HDAC2: variants seen among roughly 807,000 people sequenced by gnomAD.
HDAC2 encodes the protein YY1-associated factor 1.
A neutral mutation model predicts 68.5 loss-of-function variants in HDAC2; 5 were observed. That is an observed-to-expected ratio of 0.07 (90% CI 0.04 to 0.15). HDAC2 has a LOEUF of 0.15. HDAC2 is among the 10% of genes least tolerant of loss of function. The pLI is 1.00. For missense variants in HDAC2, 291 were observed against 600.8 expected, an observed-to-expected ratio of 0.48 and a Z score of 5.39; for synonymous variants, 182 against 191.3, an observed-to-expected ratio of 0.95 and a Z score of 0.40.
chr6:113,970,957 G>GCTA lies in HDAC2; in HGVS notation c.-50_-49insTAG, dbSNP rs1562153112. 9 of 1,561,000 alleles carry GCTA rather than the reference G, an allele frequency of 5.8e-6. No individual in the cohort carries two copies. The South Asian group carries it at 8.2e-5, about 14-fold the overall frequency. ...CCGGGCTCCTCCTCCTGCTGCTGCT[G>GCTA]CTGCTGCTGCTGCCGCCGCGGCTCG... On this transcript the variant is annotated 5_prime_UTR_variant, in exon 1 of 14. Coordinates refer to ENST00000519065, the MANE Select transcript of HDAC2 (RefSeq NM_001527.4).
chr6:113,943,037 C>T (rs1776172402), intron 12 of HDAC2, among the ~76,000 whole-genome samples: 2 of 152,088 alleles, frequency 1.3e-5, no homozygotes, highest in African/African-American at 4.8e-5. Context: ...TCTGACCATG[C>T]ACTACCAATA....
intron 1 of HDAC2, 111 bp downstream of exon 1, chr6:113,970,746 T>A (rs1776978683): frequency 7.0e-7 from 1 of 1,419,790 alleles, no homozygotes; most frequent in Non-Finnish European, 9.1e-7. Context: ...CGGCCAAATG[T>A]CGGTCCCTCC....
At chr6:113,962,963 CAAAAAAAAAAAAAAA>C (rs796684838) in intron 1 of HDAC2, among the ~76,000 whole-genome samples, 2 of 62,668 alleles carry the variant, frequency 3.2e-5, no homozygotes, top group South Asian at 1.1e-3. Context: ...GACTCTGTAT[CAAAAAAAAAAAAAAA>C]AAAGAATTCT....
Position 113,940,640 on chromosome 6 carries a change from T to C in HDAC2, c.*418A>G, listed in dbSNP as rs202124365. 6.7e-5 allele frequency: 11 copies of C among 163,242 alleles called. No homozygotes were observed. The highest frequency in any genetic ancestry group is 1.8e-4 in the East Asian group (1 of 5,550). 10.1% of individuals were successfully genotyped at this position (163,242 alleles called of 1,614,324 possible). On this transcript the variant is annotated 3_prime_UTR_variant, in exon 14 of 14. Transcript: ENST00000519065. The stretch of plus-strand genomic sequence containing the variant: ...ATCATTATCTTTCACCTAGAGTGTA[T>C]TGTAAGTCTACAGAAATGATGTCAT...
At chr6:113,970,449 G>A in intron 1 of HDAC2, 1 of 1,056,452 alleles carries the variant, frequency 9.5e-7, no homozygotes, top group Non-Finnish European at 1.1e-6. Context: ...CGGGTCGAGG[G>A]GGTAGGAGGC....
At chr6:113,941,163 C>A in intron 13 of HDAC2, 75 bp from the exon 14 acceptor site, 1 of 1,100,430 alleles carries the variant, frequency 9.1e-7, no homozygotes, top group South Asian at 1.3e-5. Flanking sequence ...TTATATTGAT[C>A]AGGTCCTGTA....
chr6:113,947,989 A>G (rs551762415), intron 8 of HDAC2: 9 of 152,212 alleles, frequency 5.9e-5, no homozygotes, highest in Non-Finnish European at 1.2e-4. Flanking sequence ...CTCTAAAATC[A>G]TACACAAACA....
Position 113,949,095 on chromosome 6 carries a change from C to T in HDAC2, c.733-8G>A. 6.2e-7 allele frequency: 1 copy of T among 1,612,512 alleles called. No homozygotes were observed. Among genetic ancestry groups the T allele is most frequent in the East Asian group, 2.2e-5 (1 of 44,824 alleles). On this transcript the variant is annotated splice_polypyrimidine_tract_variant and splice_region_variant and intron_variant, in intron 7 of 13. Coordinates refer to ENST00000519065, the MANE Select transcript of HDAC2 (RefSeq NM_001527.4). ...CATCACCTTTGAGATAATCTACACA[C>T]AAGATAACAAATGTTAGCATCTCCA...
intron 1 of HDAC2, among the ~76,000 whole-genome samples, chr6:113,960,606 A>C (rs1353273880): frequency 5.3e-5 from 8 of 152,086 alleles, no homozygotes; most frequent in African/African-American, 1.9e-4. Flanking sequence ...TTCATGACTA[A>C]AAAGTTGTAA....
chr6:113,949,118 C>G, intron 7 of HDAC2, 31 bp from the exon 8 acceptor site: 1 of 1,603,234 alleles, frequency 6.2e-7, no homozygotes, highest in Non-Finnish European at 8.5e-7. Flanking sequence ...GTTAGCATCT[C>G]CAATAACATT....
In HDAC2 at chr6:113,937,265, C is replaced by T. The variant is rs1162441661; in HGVS notation, c.*3793G>A. The T allele has an allele frequency of 2.6e-5, 4 of 152,144 alleles. No individual in the cohort carries two copies. The highest frequency in any genetic ancestry group is 2.6e-4 in the Admixed American group (4 of 15,282). 9.4% of individuals were successfully genotyped at this position (152,144 alleles called of 1,614,324 possible). ...ATCGCAGTTATCAAAAAAACTTCAGCAGTATTACTACATCAAAACCATAAA... is the reference window on the plus strand; with the variant it reads ...ATCGCAGTTATCAAAAAAACTTCAGTAGTATTACTACATCAAAACCATAAA... On this transcript the variant is annotated 3_prime_UTR_variant, in exon 14 of 14. Coordinates refer to ENST00000519065, the MANE Select transcript of HDAC2 (RefSeq NM_001527.4).
At chr6:113,954,222 T>A (rs1776492286) in intron 5 of HDAC2, among the ~76,000 whole-genome samples, 2 of 152,212 alleles carry the variant, frequency 1.3e-5, no homozygotes, top group Non-Finnish European at 2.9e-5. Flanking sequence ...TATAGTGAAG[T>A]GAGATATTAT....
rs971590622 is a variant in HDAC2 at position 113,971,129 on chromosome 6, C to G, written c.-221G>C. On this transcript the variant is annotated 5_prime_UTR_variant, in exon 1 of 14. Coordinates refer to ENST00000519065, the MANE Select transcript of HDAC2 (RefSeq NM_001527.4). ...AGCTCGGAATCGGAGGTGGCAGCGG[C>G]ACCAACTCGCGAGGAGGGGGCCACC... 1.3e-6 allele frequency: 2 copies of G among 1,539,422 alleles called. No homozygotes were observed. Among genetic ancestry groups the G allele is most frequent in the South Asian group, 1.2e-5 (1 of 83,514 alleles).
At chr6:113,952,451 T>C (rs1259059606) in intron 6 of HDAC2, among the ~76,000 whole-genome samples, 1 of 152,232 alleles carries the variant, frequency 6.6e-6, no homozygotes, top group Non-Finnish European at 1.5e-5. Context: ...AAGAATACTT[T>C]ATGGCAACTC....
intron 6 of HDAC2, among the ~76,000 whole-genome samples, chr6:113,952,197 G>A (rs1318023397): frequency 6.6e-6 from 1 of 152,208 alleles, no homozygotes; most frequent in Non-Finnish European, 1.5e-5. Flanking sequence ...GCCACTGTTT[G>A]AGAAGCACTG....
At chr6:113,950,263 T>G (rs1776377980) in intron 6 of HDAC2, among the ~76,000 whole-genome samples, 1 of 152,188 alleles carries the variant, frequency 6.6e-6, no homozygotes, top group Non-Finnish European at 1.5e-5. Context: ...CATTTGTAGG[T>G]GTGCATATGC....
At chr6:113,954,760 G>A (rs1022081565) in intron 5 of HDAC2, among the ~76,000 whole-genome samples, 3 of 152,200 alleles carry the variant, frequency 2.0e-5, no homozygotes, top group Non-Finnish European at 4.4e-5. Flanking sequence ...TCTATGGATA[G>A]CATGCATGGA....
rs890622657 is a variant in HDAC2, at chr6:113,938,742, C to T, written c.*2316G>A. 6.6e-6 allele frequency: 1 copy of T among 152,166 alleles called. No homozygotes were observed. The highest frequency in any genetic ancestry group is 2.1e-4 in the South Asian group (1 of 4,830). The allele number at this position is 152,166 out of a possible 1,614,324, so 9.4% of individuals were successfully genotyped here. A position where few individuals can be genotyped will look rare whatever the true frequency, so the allele number is the denominator to read the frequency against. On this transcript the variant is annotated 3_prime_UTR_variant, in exon 14 of 14. Coordinates refer to ENST00000519065, the MANE Select transcript of HDAC2 (RefSeq NM_001527.4). Reference sequence around the variant, plus strand: ...AGACACAAGAACCATAGCTTCTTTACATATTATTTCTAAAAATTTTGTTAT... The same window carrying T: ...AGACACAAGAACCATAGCTTCTTTATATATTATTTCTAAAAATTTTGTTAT...
At chr6:113,947,531 G>C (rs2114595394) in intron 8 of HDAC2, 1 of 152,232 alleles carries the variant, frequency 6.6e-6, no homozygotes, top group East Asian at 1.9e-4. Flanking sequence ...AACTGCTGCA[G>C]TTTATGATTA....
Sources: allele counts gnomAD v4.1 joint callset (sites outside exome capture counted in the v4.1 genomes callset), GRCh38; gene constraint gnomAD v4.1.1; transcripts MANE v1.5; gene names NCBI Gene and HGNC (gene_info 2026-07-23, HGNC 2026-07-21).